ARHGAP21: variants seen among roughly 807,000 people sequenced by gnomAD.
ARHGAP21 encodes rho GTPase-activating protein 21.
ARHGAP21 carries 38 observed loss-of-function variants against 164.6 expected under a neutral mutation model. The ratio of observed to expected loss-of-function variants is 0.23; its 90% CI spans 0.18 to 0.30. The LOEUF is 0.30. Ranked by LOEUF, ARHGAP21 falls within the 10% of genes least tolerant of loss-of-function variation. ARHGAP21 has a pLI of 1.00. For missense variants in ARHGAP21, 1,822 were observed against 2,370.7 expected, an observed-to-expected ratio of 0.77 and a Z score of 4.81; for synonymous variants, 766 against 857.9, an observed-to-expected ratio of 0.89 and a Z score of 1.87.
chr10:24,678,637 C>T (rs1228389454), intron 2 of ARHGAP21, among the ~76,000 whole-genome samples: 1 of 152,068 alleles, frequency 6.6e-6, no homozygotes, highest in Non-Finnish European at 1.5e-5. Flanking sequence ...GTAGCTGGGT[C>T]TACAGGCATG....
chr10:24,633,691 A>G (rs1490930566), intron 5 of ARHGAP21, among the ~76,000 whole-genome samples: 1 of 152,098 alleles, frequency 6.6e-6, no homozygotes, highest in Non-Finnish European at 1.5e-5. Context: ...TTACAAAAGT[A>G]AATACATTTT....
At chr10:24,716,981 T>C (rs137941254) in intron 2 of ARHGAP21, among the ~76,000 whole-genome samples, 123 of 152,316 alleles carry the variant, frequency 8.1e-4, no homozygotes, top group African/African-American at 2.8e-3. Flanking sequence ...TCAGGTCAGT[T>C]GGATATAGGA....
intron 4 of ARHGAP21, among the ~76,000 whole-genome samples, chr10:24,639,232 T>C (rs1836722309): frequency 6.6e-6 from 1 of 152,190 alleles, no homozygotes; most frequent in Non-Finnish European, 1.5e-5. Flanking sequence ...TAAAAAATAG[T>C]AGTAGTCTAT....
At chr10:24,717,464 T>G (rs1406409085) in intron 2 of ARHGAP21, among the ~76,000 whole-genome samples, 1 of 152,114 alleles carries the variant, frequency 6.6e-6, no homozygotes, top group East Asian at 1.9e-4. Context: ...GAGAATACAC[T>G]AGGGGCAACT....
Position 24,605,696 on chromosome 10 carries a change from G to A in ARHGAP21, c.2685-1348C>T, listed in dbSNP as rs562067699. ...ACATAAGGTTCAGTATCATAAAGAT[G>A]TGAGTACTCCCCAAGTTAATTTATA... On this transcript the variant is annotated intron_variant, in intron 11 of 25. Transcript: ENST00000396432. 4 of 152,292 alleles carry A rather than the reference G, an allele frequency of 2.6e-5. No individual in the cohort carries two copies. The East Asian group carries it at 7.7e-4, about 29-fold the overall frequency. The allele number at this position is 152,292 out of a possible 1,614,324, so 9.4% of individuals were successfully genotyped here. A position where few individuals can be genotyped will look rare whatever the true frequency, so the allele number is the denominator to read the frequency against.
At chr10:24,608,930 A>G (rs1288246210) in intron 9 of ARHGAP21, among the ~76,000 whole-genome samples, 1 of 152,150 alleles carries the variant, frequency 6.6e-6, no homozygotes, top group Non-Finnish European at 1.5e-5. Flanking sequence ...AGTTTTAAAA[A>G]TTCAATGAGG....
intron 2 of ARHGAP21, among the ~76,000 whole-genome samples, chr10:24,713,626 GTTTC>G (rs1403020046): frequency 4.7e-5 from 7 of 149,292 alleles, no homozygotes; most frequent in Non-Finnish European, 1.0e-4. Context: ...ATCACATCAA[GTTTC>G]TTTTTTTCTT....
chr10:24,645,787 G>C (rs1247526713), intron 4 of ARHGAP21, among the ~76,000 whole-genome samples: 16 of 152,172 alleles, frequency 1.1e-4, no homozygotes, highest in Non-Finnish European at 1.5e-5. Context: ...TAAAGTTTCT[G>C]CTCTACATTC....
chr10:24,721,491 T>C (rs2132357217), intron 2 of ARHGAP21, among the ~76,000 whole-genome samples: 1 of 152,040 alleles, frequency 6.6e-6, no homozygotes, highest in East Asian at 1.9e-4. Context: ...ACTCCAAATA[T>C]CTCGGAAGGG....
At chr10:24,638,397 G>C (rs1027815064) in intron 4 of ARHGAP21, among the ~76,000 whole-genome samples, 1 of 152,070 alleles carries the variant, frequency 6.6e-6, no homozygotes, top group Non-Finnish European at 1.5e-5. Context: ...TATGTGCTCC[G>C]CAATTTTGCC....
rs185912633 is a variant in ARHGAP21, at chr10:24,709,724, G to C, written c.63+12113C>G. 1.7e-3 allele frequency among the ~76,000 whole-genome samples: 253 copies of C among 147,224 alleles called. 1 individual carries two copies. The highest frequency in any genetic ancestry group is 3.1e-3 in the Non-Finnish European group (204 of 66,864). The stretch of plus-strand genomic sequence containing the variant: ...ACTGCACTGCAGGCTGGGTGACAGA[G>C]CAAAACCTTCTCTTAAAAAAAAAAA... On this transcript the variant is annotated intron_variant, in intron 2 of 25. Transcript: ENST00000396432.
intron 5 of ARHGAP21, among the ~76,000 whole-genome samples, chr10:24,633,883 CTTTTTTTTTTTTTTT>C (rs3073324): frequency 1.3e-4 from 10 of 75,456 alleles, no homozygotes; most frequent in Non-Finnish European, 2.2e-4. Context: ...CTTTTTTTCT[CTTTTTTTTTTTTTTT>C]TTTTTTTTTT....
In ARHGAP21 at chr10:24,633,393, G is replaced by A; in HGVS notation, c.440+9C>T. 6.3e-7 allele frequency: 1 copy of A among 1,586,858 alleles called. No homozygotes were observed. The highest frequency in any genetic ancestry group is 8.6e-7 in the Non-Finnish European group (1 of 1,158,452). On this transcript the variant is annotated intron_variant, in intron 6 of 25. Transcript: ENST00000396432. ...CCATCTTTGGGTTTTAATGTTTTAA[G>A]ACTCTTACCTGTTTTGAATTAAAGC...
intron 2 of ARHGAP21, among the ~76,000 whole-genome samples, chr10:24,673,982 C>A (rs1840967260): frequency 6.6e-6 from 1 of 152,096 alleles, no homozygotes. Context: ...AGATATAACC[C>A]CAAGGAACAT....
At chr10:24,627,194 C>A (rs1004297366) in intron 7 of ARHGAP21, among the ~76,000 whole-genome samples, 1 of 152,168 alleles carries the variant, frequency 6.6e-6, no homozygotes, top group Non-Finnish European at 1.5e-5. Context: ...CAAACATATA[C>A]AACCTACAAG....
chr10:24,626,360 G>C (rs1341083546), intron 7 of ARHGAP21, among the ~76,000 whole-genome samples: 1 of 152,158 alleles, frequency 6.6e-6, no homozygotes, highest in East Asian at 1.9e-4. Context: ...GTGTGAATGA[G>C]TTAGGAGATG....
intron 2 of ARHGAP21, among the ~76,000 whole-genome samples, chr10:24,709,635 G>A (rs183247320): frequency 6.6e-6 from 1 of 151,888 alleles, no homozygotes; most frequent in Non-Finnish European, 1.5e-5. Context: ...AGCTACTCAG[G>A]AGACTGGACA....
intron 22 of ARHGAP21, 74 bp downstream of exon 22, chr10:24,591,813 T>C: frequency 6.3e-7 from 1 of 1,592,262 alleles, no homozygotes; most frequent in Non-Finnish European, 8.5e-7. Flanking sequence ...TCTGACCAAA[T>C]AGCGGCTGCC....
At chr10:24,649,361 T>C (rs1287890341) in intron 4 of ARHGAP21, among the ~76,000 whole-genome samples, 1 of 152,178 alleles carries the variant, frequency 6.6e-6, no homozygotes, top group Admixed American at 6.5e-5. Context: ...AGGACTTTTC[T>C]ACCCAGCAAA....
Sources: allele counts gnomAD v4.1 joint callset (sites outside exome capture counted in the v4.1 genomes callset), GRCh38; gene constraint gnomAD v4.1.1; transcripts MANE v1.5; gene names NCBI Gene and HGNC (gene_info 2026-07-23, HGNC 2026-07-21).